Variants in SUSD1 observed in about 807,000 individuals in gnomAD.
SUSD1 encodes the protein sushi domain-containing protein 1.
A neutral mutation model predicts 86.9 loss-of-function variants in SUSD1; 65 were observed. The ratio of observed to expected loss-of-function variants is 0.75; its 90% confidence interval spans 0.61 to 0.92. SUSD1 has a LOEUF of 0.92. Among genes scored for constraint, SUSD1 ranks in the 40% least tolerant of loss-of-function variants. The probability of loss-of-function intolerance (pLI) is 0.00; values close to 1 mark genes in which losing one functional copy is unlikely to be tolerated. For missense variants in SUSD1, 850 were observed against 929.7 expected (o/e 0.91, Z 1.11); for synonymous variants, 346 against 350.0 (o/e 0.99, Z 0.13).
At position 112,093,563 on chromosome 9, in the gene SUSD1, T is replaced by C. The variant is rs1402801384; in HGVS notation, c.1474+4907A>G. On this transcript the variant is annotated intron_variant, in intron 10 of 16. Coordinates refer to ENST00000374270, the MANE Select transcript of SUSD1 (RefSeq NM_022486.5). ...AATAGCTAAACCTCATCCTTCAATATAGCTTTTACCTGAAATTCAGTTTTG... is the reference window on the plus strand; with the variant it reads ...AATAGCTAAACCTCATCCTTCAATACAGCTTTTACCTGAAATTCAGTTTTG... Among the ~76,000 whole-genome samples the C allele has an allele frequency of 2.6e-5, 4 of 152,200 alleles. No individual in the cohort carries two copies. In the East Asian group the frequency reaches 7.7e-4, roughly 29 times the overall value.
chr9:112,098,022 T>C (rs748447162), intron 10 of SUSD1, among the ~76,000 whole-genome samples: 1 of 152,342 alleles, frequency 6.6e-6, no homozygotes. Context: ...ATCAGGCCTC[T>C]GTTCTCTATG....
intron 8 of SUSD1, chr9:112,103,090 G>T: frequency 4.6e-6 from 2 of 435,820 alleles, no homozygotes; most frequent in Non-Finnish European, 9.2e-6. Flanking sequence ...AATGAGAAAG[G>T]TGTAAATGTC....
At chr9:112,072,151 T>C (rs1010783624) in intron 12 of SUSD1, among the ~76,000 whole-genome samples, 2 of 142,918 alleles carry the variant, frequency 1.4e-5, no homozygotes, top group Non-Finnish European at 3.1e-5. Context: ...TTTTTTTTTT[T>C]TTTTTGTTTT....
chr9:112,124,184 GAT>G, intron 6 of SUSD1, 71 bp downstream of exon 6: 1 of 1,451,950 alleles, frequency 6.9e-7, no homozygotes, highest in Non-Finnish European at 9.3e-7. Context: ...GCAGCAATCA[GAT>G]AGTTTTAGGC....
At chr9:112,099,483 A>G (rs575637302) in intron 9 of SUSD1, among the ~76,000 whole-genome samples, 81 of 152,230 alleles carry the variant, frequency 5.3e-4, no homozygotes, top group Non-Finnish European at 1.0e-3. Flanking sequence ...CAGATTATGC[A>G]TTCAAAGCAA....
intron 7 of SUSD1, 72 bp from the exon 8 acceptor site, chr9:112,111,912 C>T (rs1463541082): frequency 6.8e-7 from 1 of 1,473,328 alleles, no homozygotes; most frequent in Non-Finnish European, 9.3e-7. Flanking sequence ...GGTGCTGGAG[C>T]CCATTCTCCT....
Position 112,175,160 on chromosome 9 carries a change from C to T in SUSD1, c.76G>A (p.Gly26Ser). 9.1e-7 allele frequency: 1 copy of T among 1,095,908 alleles called. No individual in the cohort carries two copies. The highest frequency in any genetic ancestry group is 5.6e-5 in the East Asian group (1 of 17,706). 67.9% of individuals were successfully genotyped at this position (1,095,908 alleles called of 1,614,324 possible). A position where few individuals can be genotyped will look rare whatever the true frequency, so the allele number is the denominator to read the frequency against. Residue 26 changes from glycine to serine, a missense_variant, in exon 1 of 17, where the codon GGC (glycine) becomes AGC (serine). Physicochemically the swap from Gly to Ser is moderately conservative, Grantham distance 56 (BLOSUM62 0). Transcript: ENST00000374270. The surrounding 1 kb of genome is among the most constrained non-coding windows in gnomAD (Gnocchi z 4.7). ...PLLLLLGLAR[G>S]AAGAPGPDGL... ...TCGGGGCCCGGCGCTCCCGCGGCGC[C>T]GCGGGCCAGGCCGAGCAGCAGCAAC...
intron 12 of SUSD1, among the ~76,000 whole-genome samples, chr9:112,073,247 G>C (rs548684947): frequency 5.5e-4 from 83 of 152,268 alleles, no homozygotes; most frequent in African/African-American, 1.9e-3. Context: ...TTCTTGTTAT[G>C]AATACAATGA....
chr9:112,139,348 A>G (rs1191960529), intron 5 of SUSD1, among the ~76,000 whole-genome samples: 2 of 152,236 alleles, frequency 1.3e-5, no homozygotes, highest in African/African-American at 2.4e-5. Flanking sequence ...TATAATCCAA[A>G]TGAAAGGAAT....
At chr9:112,045,546 C>T (rs1441772071) in intron 15 of SUSD1, among the ~76,000 whole-genome samples, 1 of 147,674 alleles carries the variant, frequency 6.8e-6, no homozygotes, top group African/African-American at 2.6e-5. Flanking sequence ...ATTACTGACT[C>T]TGTGCAAGAA....
chr9:112,063,566 C>A (rs1188760833), intron 12 of SUSD1, among the ~76,000 whole-genome samples: 1 of 152,088 alleles, frequency 6.6e-6, no homozygotes, highest in African/African-American at 2.4e-5. Context: ...GGAAGACCAC[C>A]ACATCAGCCT....
intron 8 of SUSD1, among the ~76,000 whole-genome samples, chr9:112,102,628 C>G (rs1019171038): frequency 1.3e-5 from 2 of 152,200 alleles, no homozygotes; most frequent in African/African-American, 4.8e-5. Flanking sequence ...TTAATCCTAT[C>G]GCTTGGATCG....
Position 112,099,204 on chromosome 9 carries a change from G to A in SUSD1, c.1282-542C>T, listed in dbSNP as rs371246383. ...ACTACAGGCATGCACCACCACACCT[G>A]GGTAATTATTTTTACAATTAATTTG... On this transcript the variant is annotated intron_variant, in intron 9 of 16. Coordinates refer to ENST00000374270, the MANE Select transcript of SUSD1 (RefSeq NM_022486.5). Among the ~76,000 whole-genome samples the A allele has an allele frequency of 7.2e-5, 11 of 152,108 alleles. No individual in the cohort carries two copies. The South Asian group carries it at 2.3e-3, about 32-fold the overall frequency.
At chr9:112,147,281 T>G (rs1441434672) in intron 3 of SUSD1, among the ~76,000 whole-genome samples, 2 of 149,948 alleles carry the variant, frequency 1.3e-5, no homozygotes, top group Non-Finnish European at 3.0e-5. Flanking sequence ...CCGAGGCAGG[T>G]GAATCAGCCG....
rs148568080 is a variant in SUSD1 at position 112,083,856 on chromosome 9, C to A, written c.1475-3691G>T. ...CCATCCACTGACACCCATTCTGATG[C>A]TGAAAGTTGATCTTATACTTTGCCG... On this transcript the variant is annotated intron_variant, in intron 10 of 16. Transcript: ENST00000374270. Among the ~76,000 whole-genome samples the A allele has an allele frequency of 2.2e-3, 338 of 152,298 alleles. 1 individual carries two copies. The highest frequency in any genetic ancestry group is 3.5e-3 in the Non-Finnish European group (239 of 68,032).
chr9:112,045,138 A>ATTAGT (rs1564240162), intron 15 of SUSD1, among the ~76,000 whole-genome samples: 3 of 152,078 alleles, frequency 2.0e-5, no homozygotes, highest in Admixed American at 1.3e-4. Flanking sequence ...AATTAACTAG[A>ATTAGT]TTTGTTTTGT....
chr9:112,129,777 C>T (rs924146986), intron 5 of SUSD1, among the ~76,000 whole-genome samples: 6 of 152,164 alleles, frequency 3.9e-5, no homozygotes, highest in Non-Finnish European at 1.5e-5. Flanking sequence ...CCACAAGGTC[C>T]GCTTAAAATC....
chr9:112,145,493 G>C (rs1251086081), intron 3 of SUSD1, among the ~76,000 whole-genome samples: 1 of 151,958 alleles, frequency 6.6e-6, no homozygotes, highest in Non-Finnish European at 1.5e-5. Context: ...TGTTGGCCAG[G>C]CTGGTCTCGA....
chr9:112,050,164 CAA>C (rs1056306986), intron 15 of SUSD1, among the ~76,000 whole-genome samples: 1 of 151,052 alleles, frequency 6.6e-6, no homozygotes, highest in Non-Finnish European at 1.5e-5. Flanking sequence ...GATGGACTGG[CAA>C]AAAAAAATTT....
Sources: gnomAD v4.1 joint callset for allele counts (sites outside exome capture counted in the v4.1 genomes callset) on GRCh38, gnomAD v4.1.1 for gene constraint, Gnocchi (gnomAD v3.1) non-coding constraint, MANE v1.5 for transcripts, NCBI Gene and HGNC (gene_info 2026-07-23, HGNC 2026-07-21) for gene names.